PTPRD: variants seen among roughly 807,000 people sequenced by gnomAD.
The protein encoded by PTPRD is protein tyrosine phosphatase receptor type D, also known as receptor-type tyrosine-protein phosphatase delta.
In PTPRD, 34 loss-of-function variants were observed where a neutral mutation model predicts 214.5. That is an observed-to-expected ratio of 0.16 (90% CI 0.12 to 0.21). The LOEUF (loss-of-function observed/expected upper bound fraction) is 0.21. Among genes scored for constraint, PTPRD ranks in the 10% least tolerant of loss-of-function variants. PTPRD has a pLI of 1.00. For synonymous variants in PTPRD, 1,128 were observed against 845.7 expected, an observed-to-expected ratio of 1.33 and a Z score of -5.79; for missense variants, 2,545 against 2,398.7, an observed-to-expected ratio of 1.06 and a Z score of -1.27.
intron 21 of PTPRD, among the ~76,000 whole-genome samples, chr9:8,507,994 AAAAACAAAAC>A (rs914525149): frequency 1.3e-5 from 2 of 152,068 alleles, no homozygotes; most frequent in African/African-American, 4.8e-5. Flanking sequence ...GTAAGAAAGG[AAAAACAAAAC>A]AAAACAAAAC....
intron 30 of PTPRD, among the ~76,000 whole-genome samples, chr9:8,481,071 C>T (rs528303744): frequency 1.3e-4 from 17 of 133,776 alleles, no homozygotes; most frequent in South Asian, 2.6e-4. Context: ...ACCCAGAAGG[C>T]GGAGCTTGCA....
chr9:10,139,663 C>T lies in PTPRD; in HGVS notation c.-544-105873G>A, dbSNP rs2098968845. Among the ~76,000 whole-genome samples the T allele has an allele frequency of 2.0e-5, 3 of 152,092 alleles. No homozygotes were observed. In the South Asian group the frequency reaches 6.2e-4, roughly 32 times the overall value. ...GGACTACAAGGGTACAGGAACCAAA[C>T]CATCACAAGGCTAGGACAAAAACCA... On this transcript the variant is annotated intron_variant, in intron 3 of 45. Transcript: ENST00000381196.
At chr9:9,169,309 C>T (rs1010445684) in intron 10 of PTPRD, among the ~76,000 whole-genome samples, 1 of 152,108 alleles carries the variant, frequency 6.6e-6, no homozygotes, top group African/African-American at 2.4e-5. Flanking sequence ...TTCTATGCCA[C>T]ACTAAAGTTC....
intron 12 of PTPRD, among the ~76,000 whole-genome samples, chr9:8,721,793 C>T (rs922308651): frequency 6.6e-6 from 1 of 152,180 alleles, no homozygotes; most frequent in South Asian, 2.1e-4. Context: ...TTTCCCAATT[C>T]GCACAGCTGA....
chr9:10,130,192 CT>C (rs2098849813), intron 3 of PTPRD, among the ~76,000 whole-genome samples: 8 of 141,964 alleles, frequency 5.6e-5, no homozygotes, highest in Non-Finnish European at 6.1e-5. Flanking sequence ...TTTTTTGGCT[CT>C]TTCTTATCTA....
intron 12 of PTPRD, among the ~76,000 whole-genome samples, chr9:8,707,717 C>T (rs1465274769): frequency 1.3e-5 from 2 of 152,186 alleles, no homozygotes; most frequent in Non-Finnish European, 2.9e-5. Flanking sequence ...AGGTCTCCTA[C>T]TATTGGGTTT....
chr9:8,553,049 G>C (rs1002243494), intron 14 of PTPRD, among the ~76,000 whole-genome samples: 1 of 152,124 alleles, frequency 6.6e-6, no homozygotes, highest in East Asian at 1.9e-4. Context: ...GCCCAGACTA[G>C]AATAACTGCC....
chr9:10,475,011 AAAT>A (rs1313292308), intron 2 of PTPRD, among the ~76,000 whole-genome samples: 2 of 152,190 alleles, frequency 1.3e-5, no homozygotes, highest in Non-Finnish European at 2.9e-5. Flanking sequence ...GTATAGTACT[AAAT>A]GTCCACAGGA....
At chr9:10,037,164 T>C (rs1376114007) in intron 3 of PTPRD, among the ~76,000 whole-genome samples, 1 of 152,154 alleles carries the variant, frequency 6.6e-6, no homozygotes, top group Non-Finnish European at 1.5e-5. Context: ...GTGCTGGGAT[T>C]ACAGCACCAT....
At position 9,067,256 on chromosome 9, in the gene PTPRD, C is replaced by T. The variant is rs369316653; in HGVS notation, c.-142-48521G>A. On this transcript the variant is annotated intron_variant, in intron 10 of 45. Transcript: ENST00000381196. ...AAAAACAAACAGACAAACAAACAAA[C>T]AAAAAAACTTGTCTTAATACTGTAA... Among the ~76,000 whole-genome samples, 6 of 152,156 alleles carry T rather than the reference C, an allele frequency of 3.9e-5. No homozygotes were observed. The East Asian group carries it at 9.7e-4, about 25-fold the overall frequency.
At chr9:10,190,640 C>A (rs764623664) in intron 3 of PTPRD, among the ~76,000 whole-genome samples, 2 of 146,916 alleles carry the variant, frequency 1.4e-5, no homozygotes, top group African/African-American at 2.5e-5. Flanking sequence ...ATTGCTTGAA[C>A]CTGGAAGGCA....
Position 9,828,763 on chromosome 9 carries a change from A to C in PTPRD, c.-367-61912T>G, listed in dbSNP as rs374470272. ...GTAGTTAGTTACTTTACCTTCCAAC[A>C]ATCAATATAACTACTTGAAGTAGTG... On this transcript the variant is annotated intron_variant, in intron 5 of 45. Transcript: ENST00000381196. 2.6e-5 allele frequency among the ~76,000 whole-genome samples: 4 copies of C among 151,820 alleles called. No individual in the cohort carries two copies. In the South Asian group the frequency reaches 8.3e-4, roughly 31 times the overall value.
chr9:9,549,011 C>G (rs946153968), intron 8 of PTPRD, among the ~76,000 whole-genome samples: 1 of 152,006 alleles, frequency 6.6e-6, no homozygotes, highest in Non-Finnish European at 1.5e-5. Flanking sequence ...GTAACTGATA[C>G]TTTTAGGACA....
At chr9:8,827,614 C>CA (rs966118435) in intron 11 of PTPRD, among the ~76,000 whole-genome samples, 33 of 151,770 alleles carry the variant, frequency 2.2e-4, no homozygotes, top group Admixed American at 4.6e-4. Context: ...CTCAAACAAA[C>CA]AAAAAAAATT....
intron 11 of PTPRD, among the ~76,000 whole-genome samples, chr9:8,773,979 C>A (rs867020726): frequency 2.6e-5 from 4 of 152,152 alleles, no homozygotes; most frequent in African/African-American, 4.8e-5. Flanking sequence ...CTGACTCCAA[C>A]CCCAAGAAGA....
chr9:9,564,215 A>G (rs2083719522), intron 8 of PTPRD, among the ~76,000 whole-genome samples: 1 of 152,092 alleles, frequency 6.6e-6, no homozygotes, highest in Admixed American at 6.6e-5. Context: ...TTATTCATTT[A>G]ACCTGAGGAG....
chr9:8,895,128 A>G (rs571149904), intron 11 of PTPRD, among the ~76,000 whole-genome samples: 13 of 152,340 alleles, frequency 8.5e-5, no homozygotes, highest in African/African-American at 1.9e-4. Context: ...TTAATTACCA[A>G]TTAAAGAACT....
chr9:8,850,472 C>T (rs1156953918), intron 11 of PTPRD, among the ~76,000 whole-genome samples: 1 of 152,018 alleles, frequency 6.6e-6, no homozygotes, highest in Non-Finnish European at 1.5e-5. Context: ...GAACAACTTC[C>T]ATCCATGGCA....
At chr9:8,726,820 G>T (rs114196288) in intron 12 of PTPRD, among the ~76,000 whole-genome samples, 10,797 of 124,654 alleles carry the variant, frequency 0.087, 1,311 homozygotes, top group African/African-American at 0.28. Flanking sequence ...AAAAAAAAAA[G>T]ATTAGCTAAG....
Sources: gnomAD v4.1 joint callset for allele counts (sites outside exome capture counted in the v4.1 genomes callset) on GRCh38, gnomAD v4.1.1 for gene constraint, MANE v1.5 for transcripts, NCBI Gene and HGNC (gene_info 2026-07-23, HGNC 2026-07-21) for gene names.